The following MAP3K14 variants were observed in gnomAD, a reference collection of about 807,000 sequenced individuals.
MAP3K14 encodes NF-kappa-beta-inducing kinase.
MAP3K14 carries 16 observed loss-of-function variants against 99.2 expected under a neutral mutation model. The ratio of observed to expected loss-of-function variants is 0.16; its 90% CI spans 0.11 to 0.24. The LOEUF (loss-of-function observed/expected upper bound fraction) is 0.24. MAP3K14 is among the 10% of genes least tolerant of loss of function. MAP3K14 has a pLI of 1.00. For missense variants in MAP3K14, 784 were observed against 1,208.7 expected, an observed-to-expected ratio of 0.65 and a Z score of 5.21; for synonymous variants, 462 against 492.4, an observed-to-expected ratio of 0.94 and a Z score of 0.82.
intron 1 of MAP3K14, among the ~76,000 whole-genome samples, chr17:45,303,741 C>CTT (rs77134550): frequency 1.4e-5 from 2 of 142,158 alleles, no homozygotes; most frequent in African/African-American, 5.1e-5. Flanking sequence ...TAGTTTGGGA[C>CTT]TTTTTTTTTT....
At chr17:45,306,895 A>C (rs549997116) in intron 1 of MAP3K14, among the ~76,000 whole-genome samples, 1 of 152,364 alleles carries the variant, frequency 6.6e-6, no homozygotes. Context: ...GTATTGAGAT[A>C]AAAACCTGTC....
chr17:45,275,120 C>T (rs1210956677), intron 6 of MAP3K14, among the ~76,000 whole-genome samples: 1 of 148,262 alleles, frequency 6.7e-6, no homozygotes, highest in African/African-American at 2.5e-5. Flanking sequence ...GCCTGGGCAA[C>T]AAAGTGAGAC....
In MAP3K14 at chr17:45,267,151, C is replaced by T. The variant is rs1310306063; in HGVS notation, c.2374G>A (p.Glu792Lys). 2 of 1,602,534 alleles carry T rather than the reference C, an allele frequency of 1.2e-6. No individual in the cohort carries two copies. Among genetic ancestry groups the T allele is most frequent in the Non-Finnish European group, 1.7e-6 (2 of 1,174,510 alleles). ...ATGCTGAGGCACGAGAGAATTTGCT[C>T]CTGCTCCTCCAGAGAAAATGGCTGG... ...LSQPFSLEEQEQILSCLSIDS... is the reference protein window; with the variant it reads ...LSQPFSLEEQKQILSCLSIDS... Residue 792 changes from glutamate to lysine, a missense_variant, in exon 13 of 16, where the codon GAG becomes AAG. Glu to Lys is a moderately conservative substitution (Grantham distance 56). This residue lies in a region of MAP3K14 where 130 missense variants were observed against 220.4 expected (regional missense o/e 0.59). Transcript: ENST00000344686. The surrounding 1 kb of genome is among the most constrained non-coding windows in gnomAD (Gnocchi z 5.1).
chr17:45,277,807 C>T (rs570939989), intron 6 of MAP3K14, among the ~76,000 whole-genome samples: 5 of 152,260 alleles, frequency 3.3e-5, no homozygotes, highest in Admixed American at 2.6e-4. Context: ...ACGTGACATT[C>T]CCTTTGATAA....
At position 45,265,324 on chromosome 17, in the gene MAP3K14, C is replaced by T. The variant is rs2044068845; in HGVS notation, c.2579-61G>A. The T allele has an allele frequency of 2.7e-6, 3 of 1,123,688 alleles. No homozygotes were observed. The Admixed American group carries it at 5.1e-5, about 19-fold the overall frequency. The allele number at this position is 1,123,688 out of a possible 1,614,324, so 69.6% of individuals were successfully genotyped here. A position where few individuals can be genotyped will look rare whatever the true frequency, so the allele number is the denominator to read the frequency against. ...CTGCTGGCTCCCCAAGGACCAGGGT[C>T]CTGGCAGGGGCTGGGGGAACGTTTT... On this transcript the variant is annotated intron_variant, in intron 14 of 15. Coordinates refer to ENST00000344686, the MANE Select transcript of MAP3K14 (RefSeq NM_003954.5).
chr17:45,293,415 G>A (rs1487171086), intron 1 of MAP3K14, among the ~76,000 whole-genome samples: 2 of 152,178 alleles, frequency 1.3e-5, no homozygotes, highest in South Asian at 2.1e-4. Flanking sequence ...ATTGGTGTTA[G>A]GTAGGCAGCT....
chr17:45,282,554 C>CAA (rs11452454), intron 6 of MAP3K14, among the ~76,000 whole-genome samples: 1,404 of 123,560 alleles, frequency 0.011, 23 homozygotes, highest in African/African-American at 0.035. Context: ...GATCCTGTCT[C>CAA]AAAAAAAAAA....
intron 8 of MAP3K14, 50 bp downstream of exon 8, chr17:45,274,073 T>A (rs758148884): frequency 1.3e-6 from 2 of 1,590,576 alleles, no homozygotes. Flanking sequence ...GACAGGATGG[T>A]GTGAGAGAAG....
At chr17:45,311,372 A>G (rs560263263) in intron 1 of MAP3K14, among the ~76,000 whole-genome samples, 6 of 152,340 alleles carry the variant, frequency 3.9e-5, no homozygotes, top group Middle Eastern at 3.4e-3. Flanking sequence ...CTGCAGCTTC[A>G]TTAAAGTCAA....
intron 1 of MAP3K14, among the ~76,000 whole-genome samples, chr17:45,315,014 C>CG (rs2044518318): frequency 7.1e-6 from 1 of 141,740 alleles, no homozygotes; most frequent in African/African-American, 3.0e-5. Context: ...TTATCAATCA[C>CG]CAAAAAAAAA....
chr17:45,312,731 T>C (rs1165533340), intron 1 of MAP3K14, among the ~76,000 whole-genome samples: 7 of 152,028 alleles, frequency 4.6e-5, no homozygotes, highest in Admixed American at 2.6e-4. Context: ...TAAAGGGGAA[T>C]CTGCAAGTCC....
intron 8 of MAP3K14, 42 bp from the exon 9 acceptor site, chr17:45,273,649 T>A (rs749084589): frequency 1.3e-6 from 2 of 1,509,230 alleles, no homozygotes; most frequent in Non-Finnish European, 9.1e-7. Context: ...AGGTGAGTCA[T>A]GCCGGGTCCC....
chr17:45,264,728 A>G lies in MAP3K14; in HGVS notation c.2752T>C (p.Ser918Pro). 1 of 1,612,734 alleles carries G rather than the reference A, an allele frequency of 6.2e-7. No individual in the cohort carries two copies. The highest frequency in any genetic ancestry group is 8.5e-7 in the Non-Finnish European group (1 of 1,179,444). The change falls in exon 16 of 16, where the codon TCG becomes CCG. Residue 918 changes from serine to proline, a missense_variant. By Grantham distance (74) the Ser-to-Pro change is moderately conservative. Around this residue, in one of 5 missense-constraint regions of MAP3K14, gnomAD observed 130 missense variants for 220.4 expected, o/e 0.59. Transcript: ENST00000344686. ...AGTGTGCACTGCAGGTCGATGCCCG[A>G]GTCTGGCACCTCCATGTCGTAGCGA... ...PVRYDMEVPD[S>P]GIDLQCTLAP... is the part of the protein sequence containing the mutation.
intron 1 of MAP3K14, among the ~76,000 whole-genome samples, chr17:45,307,150 C>T (rs893628135): frequency 3.3e-5 from 5 of 151,946 alleles, no homozygotes; most frequent in Middle Eastern, 3.4e-3. Flanking sequence ...CCCAGCTACT[C>T]GGGAGGCTGA....
In MAP3K14 at chr17:45,266,656, GA is replaced by G; in HGVS notation, c.2458del (p.Ser820ArgfsTer5). 1 of 1,612,582 alleles carries G rather than the reference GA, an allele frequency of 6.2e-7. No homozygotes were observed. Among genetic ancestry groups the G allele is most frequent in the Non-Finnish European group, 8.5e-7 (1 of 1,178,880 alleles). On this transcript the variant is annotated frameshift_variant, in exon 14 of 16. Transcript: ENST00000344686. LOFTEE classifies it high-confidence loss of function. ...EKNPSKASQSSRDTLSSGVHS... is the reference protein window; with the variant it reads ...EKNPSKASQSXRDTLSSGVHS... ...TACGCCTGAGCTCAGGGTGTCCCGCGAGCTTTGAGAGGCCTTTGATGGGTTC... is the reference window on the plus strand; with the variant it reads ...TACGCCTGAGCTCAGGGTGTCCCGCGGCTTTGAGAGGCCTTTGATGGGTTC...
intron 9 of MAP3K14, among the ~76,000 whole-genome samples, chr17:45,271,969 G>A (rs943740003): frequency 6.6e-6 from 1 of 152,098 alleles, no homozygotes; most frequent in Non-Finnish European, 1.5e-5. Context: ...TGTGAACAGT[G>A]GTTTTTTTCC....
chr17:45,264,254 G>A lies in MAP3K14; in HGVS notation c.*382C>T, dbSNP rs2044047937. 5.5e-6 allele frequency: 1 copy of A among 181,276 alleles called. No homozygotes were observed. The highest frequency in any genetic ancestry group is 5.9e-5 in the Admixed American group (1 of 16,874). The allele number at this position is 181,276 out of a possible 1,614,324, so 11.2% of individuals were successfully genotyped here. ...AGCCTGGAGGGTGAGGGGCCGAGGG[G>A]CTCGCCCACCCCTTCTGACCCAGGC... On this transcript the variant is annotated 3_prime_UTR_variant, in exon 16 of 16. Coordinates refer to ENST00000344686, the MANE Select transcript of MAP3K14 (RefSeq NM_003954.5).
intron 7 of MAP3K14, 59 bp downstream of exon 7, chr17:45,274,405 G>C: frequency 6.2e-7 from 1 of 1,604,514 alleles, no homozygotes; most frequent in Non-Finnish European, 8.5e-7. Context: ...ACTTGGGCAA[G>C]ACTCAGGGGG....
At chr17:45,282,392 C>T (rs1435741738) in intron 6 of MAP3K14, among the ~76,000 whole-genome samples, 1 of 151,636 alleles carries the variant, frequency 6.6e-6, no homozygotes. Context: ...CCTGTTTCTA[C>T]AAAAAATAAA....
Sources: gnomAD v4.1 joint callset for allele counts (sites outside exome capture counted in the v4.1 genomes callset) on GRCh38, gnomAD v4.1.1 for gene constraint, gnomAD v4.1.1 regional missense constraint, Gnocchi (gnomAD v3.1) non-coding constraint, MANE v1.5 for transcripts, NCBI Gene and HGNC (gene_info 2026-07-23, HGNC 2026-07-21) for gene names.